MICU3: variants seen among roughly 807,000 people sequenced by gnomAD.
MICU3 encodes the protein calcium uptake protein 3, mitochondrial.
Under a neutral mutation model 66.5 loss-of-function variants are expected in MICU3, and 62 were observed. The ratio of observed to expected loss-of-function variants is 0.93; its 90% CI spans 0.76 to 1.15. The LOEUF is 1.15. Among genes scored for constraint, MICU3 ranks in the 50% most tolerant of loss-of-function variants. MICU3 has a pLI of 0.00. For missense variants in MICU3, 779 were observed against 664.4 expected, an observed-to-expected ratio of 1.17 and a Z score of -1.90; for synonymous variants, 308 against 240.7, an observed-to-expected ratio of 1.28 and a Z score of -2.59.
In MICU3 at chr8:17,027,545, C is replaced by G. The variant is rs781247725; in HGVS notation, c.266C>G (p.Pro89Arg). 8.9e-5 allele frequency: 114 copies of G among 1,280,726 alleles called. No homozygotes were observed. The highest frequency in any genetic ancestry group is 1.1e-4 in the Non-Finnish European group (111 of 1,016,204). 79.3% of individuals were successfully genotyped at this position (1,280,726 alleles called of 1,614,324 possible). ...GLVCYQLYGD[P>R]RAGSPATGRP... ...GTATGCTACCAGCTGTACGGGGACC[C>G]CAGGGCCGGCTCGCCGGCGACCGGG... Residue 89 changes from proline (P) to arginine (R), a missense_variant, in exon 1 of 15, where the codon CCC (proline) becomes CGC (arginine). Coordinates refer to ENST00000318063, the MANE Select transcript of MICU3 (RefSeq NM_181723.3).
chr8:17,129,038 C>A, the MICU3 span, among the ~76,000 whole-genome samples: 1 of 152,268 alleles, frequency 6.6e-6, no homozygotes, highest in South Asian at 2.1e-4. Context: ...TCTCACTGAA[C>A]AACCCAAGCA....
At chr8:17,096,996 T>TGTGTGA (rs769070513) in intron 8 of MICU3, among the ~76,000 whole-genome samples, 80 of 141,246 alleles carry the variant, frequency 5.7e-4, no homozygotes, top group Middle Eastern at 3.7e-3. Context: ...TGTGTGTGTG[T>TGTGTGA]GATTGTGGAC....
At chr8:17,082,579 C>G (rs1339343278) in intron 5 of MICU3, among the ~76,000 whole-genome samples, 1 of 152,052 alleles carries the variant, frequency 6.6e-6, no homozygotes, top group Non-Finnish European at 1.5e-5. Context: ...TTTTGTTCAT[C>G]TCTGTATCAA....
chr8:17,087,712 T>TA (rs1327634655), intron 7 of MICU3, among the ~76,000 whole-genome samples: 1 of 152,046 alleles, frequency 6.6e-6, no homozygotes, highest in Non-Finnish European at 1.5e-5. Flanking sequence ...TCCATAATTA[T>TA]AGATGAGGAA....
At chr8:17,056,761 C>T (rs76627031) in intron 1 of MICU3, among the ~76,000 whole-genome samples, 1 of 152,172 alleles carries the variant, frequency 6.6e-6, no homozygotes, top group African/African-American at 2.4e-5. Flanking sequence ...GTAGCTTATA[C>T]AGTAGAGAGG....
chr8:17,102,710 G>A (rs940963853), intron 9 of MICU3: 1 of 151,930 alleles, frequency 6.6e-6, no homozygotes, highest in Non-Finnish European at 1.5e-5. Context: ...GCTTATTCAA[G>A]AAGATGCATT....
chr8:17,089,230 A>G (rs1799792179), intron 7 of MICU3, among the ~76,000 whole-genome samples: 1 of 152,056 alleles, frequency 6.6e-6, no homozygotes, highest in Admixed American at 6.6e-5. Flanking sequence ...CAATTCAGAA[A>G]TAATCTTTAG....
chr8:17,057,379 G>A (rs906753885), intron 1 of MICU3, among the ~76,000 whole-genome samples: 3 of 152,228 alleles, frequency 2.0e-5, no homozygotes, highest in South Asian at 4.2e-4. Flanking sequence ...GCGACACCCT[G>A]ATCTCTGGCC....
chr8:17,037,308 G>C (rs946691613), intron 1 of MICU3, among the ~76,000 whole-genome samples: 1 of 152,214 alleles, frequency 6.6e-6, no homozygotes, highest in East Asian at 1.9e-4. Context: ...TGCTGCCAAA[G>C]TGGGAGCCCA....
intron 1 of MICU3, among the ~76,000 whole-genome samples, chr8:17,055,383 T>C (rs1816769075): frequency 1.3e-5 from 2 of 152,250 alleles, no homozygotes; most frequent in Admixed American, 6.5e-5. Context: ...TTTTTCTTTT[T>C]AGTCCTTAAT....
intron 8 of MICU3, among the ~76,000 whole-genome samples, chr8:17,094,991 T>C (rs566099389): frequency 2.8e-4 from 42 of 152,178 alleles, no homozygotes; most frequent in African/African-American, 8.4e-4. Flanking sequence ...TAGAGATATA[T>C]AATCTGATAC....
the MICU3 span, among the ~76,000 whole-genome samples, chr8:17,134,592 C>A: frequency 6.6e-6 from 1 of 152,064 alleles, no homozygotes; most frequent in Non-Finnish European, 1.5e-5. Context: ...CTACAGGTGC[C>A]CACCACCACA....
chr8:17,066,158 A>T (rs1055659313), intron 2 of MICU3, among the ~76,000 whole-genome samples: 1 of 151,800 alleles, frequency 6.6e-6, no homozygotes, highest in Non-Finnish European at 1.5e-5. Context: ...TAGATTCTTT[A>T]TTAGTGAGTT....
chr8:17,078,865 A>G (rs992784065), intron 4 of MICU3, among the ~76,000 whole-genome samples: 2 of 152,124 alleles, frequency 1.3e-5, no homozygotes, highest in African/African-American at 2.4e-5. Flanking sequence ...CTTAAAAAAA[A>G]TCTTAGAAAT....
intron 1 of MICU3, among the ~76,000 whole-genome samples, chr8:17,035,260 A>T (rs1306882364): frequency 6.6e-6 from 1 of 152,190 alleles, no homozygotes; most frequent in Non-Finnish European, 1.5e-5. Flanking sequence ...GTGAGAACAG[A>T]CTAACAGAGT....
rs138973459 is a variant in MICU3 at position 17,037,600 on chromosome 8, A to G, written c.381+9940A>G. On this transcript the variant is annotated intron_variant, in intron 1 of 14. Transcript: ENST00000318063. ...TCTGCTAGGGCAGTGCAGAAGGGAT[A>G]TGTGGGGTCAGAGCCCACACACAGA... Among the ~76,000 whole-genome samples, 741 of 152,322 alleles carry G rather than the reference A, an allele frequency of 4.9e-3. 1 individual carries two copies. Among genetic ancestry groups the G allele is most frequent in the Non-Finnish European group, 7.0e-3 (477 of 68,026 alleles).
intron 1 of MICU3, among the ~76,000 whole-genome samples, chr8:17,060,564 G>A (rs367727240): frequency 5.7e-4 from 86 of 152,132 alleles, no homozygotes; most frequent in Middle Eastern, 6.8e-3. Flanking sequence ...CGCCTGCCTC[G>A]GCCTCCCATA....
chr8:17,136,261 A>G, the MICU3 span, among the ~76,000 whole-genome samples: 1 of 152,086 alleles, frequency 6.6e-6, no homozygotes, highest in Non-Finnish European at 1.5e-5. Flanking sequence ...TAAAGTAGGT[A>G]TTTTTAGATT....
chr8:17,056,031 A>G (rs1816870634), intron 1 of MICU3, among the ~76,000 whole-genome samples: 1 of 152,226 alleles, frequency 6.6e-6, no homozygotes, highest in Non-Finnish European at 1.5e-5. Flanking sequence ...CCCACAGAAT[A>G]TAAGGAGCTT....
Sources: gnomAD v4.1 joint callset for allele counts (sites outside exome capture counted in the v4.1 genomes callset) on GRCh38, gnomAD v4.1.1 for gene constraint, MANE v1.5 for transcripts, NCBI Gene and HGNC (gene_info 2026-07-23, HGNC 2026-07-21) for gene names.